Variants in ELAVL2 observed in about 807,000 individuals in gnomAD.
The protein encoded by ELAVL2 is ELAV like RNA binding protein 2.
ELAVL2 carries 4 observed loss-of-function variants against 34.6 expected under a neutral mutation model. The ratio of observed to expected loss-of-function variants is 0.12; its 90% CI spans 0.06 to 0.26. ELAVL2 has a LOEUF of 0.26. ELAVL2 is among the 10% of genes least tolerant of loss of function. The pLI is 1.00. For missense variants in ELAVL2, 432 were observed against 442.8 expected (o/e 0.98, Z 0.22); for synonymous variants, 193 against 154.8 (o/e 1.25, Z -1.83).
At chr9:23,798,844 A>C (rs916089321) in intron 1 of ELAVL2, among the ~76,000 whole-genome samples, 1 of 152,132 alleles carries the variant, frequency 6.6e-6, no homozygotes, top group Non-Finnish European at 1.5e-5. Flanking sequence ...TTATCTTAAA[A>C]AACTGCTTCA....
At chr9:23,701,681 A>T in intron 4 of ELAVL2, 77 bp from the exon 5 acceptor site, 1 of 1,461,366 alleles carries the variant, frequency 6.8e-7, no homozygotes, top group South Asian at 1.3e-5. Context: ...GGACACATTA[A>T]TTTTTCCTTC....
intron 3 of ELAVL2, among the ~76,000 whole-genome samples, chr9:23,726,985 A>C (rs1233539564): frequency 6.6e-6 from 1 of 152,084 alleles, no homozygotes; most frequent in Admixed American, 6.6e-5. Flanking sequence ...ACCAGCATAC[A>C]ACTTGACACT....
intron 3 of ELAVL2, among the ~76,000 whole-genome samples, chr9:23,705,629 G>A (rs1194990768): frequency 2.0e-5 from 3 of 152,208 alleles, no homozygotes; most frequent in African/African-American, 7.2e-5. Context: ...CATGGACCAT[G>A]GTGGGGGATG....
chr9:23,747,399 C>T (rs964205492), intron 2 of ELAVL2, among the ~76,000 whole-genome samples: 2 of 152,074 alleles, frequency 1.3e-5, no homozygotes, highest in African/African-American at 4.8e-5. Context: ...CTGCAGAAAG[C>T]GAAACTGTTG....
intron 1 of ELAVL2, among the ~76,000 whole-genome samples, chr9:23,774,213 C>CAAAAAAAAAA (rs57247631): frequency 4.9e-5 from 3 of 61,442 alleles, no homozygotes; most frequent in Non-Finnish European, 5.9e-5. Flanking sequence ...GACTCCATCT[C>CAAAAAAAAAA]AAAAAAAAAA....
chr9:23,700,097 T>TA (rs1422401803), intron 5 of ELAVL2, among the ~76,000 whole-genome samples: 1 of 152,168 alleles, frequency 6.6e-6, no homozygotes, highest in Admixed American at 6.5e-5. Flanking sequence ...AATAAATGCA[T>TA]AGATTTAAGC....
chr9:23,741,457 G>GAC (rs2049156262), intron 2 of ELAVL2, among the ~76,000 whole-genome samples: 1 of 152,090 alleles, frequency 6.6e-6, no homozygotes, highest in Non-Finnish European at 1.5e-5. Context: ...TGTAACTAGG[G>GAC]ACCTCAGTGT....
chr9:23,706,398 C>T (rs1434039233), intron 3 of ELAVL2, among the ~76,000 whole-genome samples: 1 of 152,056 alleles, frequency 6.6e-6, no homozygotes, highest in East Asian at 1.9e-4. Context: ...CCAATAATAC[C>T]CCATTGATCA....
chr9:23,759,559 A>C (rs1018799169), intron 2 of ELAVL2, among the ~76,000 whole-genome samples: 1 of 151,266 alleles, frequency 6.6e-6, no homozygotes, highest in Non-Finnish European at 1.5e-5. Flanking sequence ...GATTTTGAAC[A>C]CTCTCAAAGA....
Position 23,699,615 on chromosome 9 carries a change from C to G in ELAVL2, c.713+1764G>C, listed in dbSNP as rs144756330. Among the ~76,000 whole-genome samples, 40 of 152,072 alleles carry G rather than the reference C, an allele frequency of 2.6e-4. 1 individual carries two copies. The highest frequency in any genetic ancestry group is 8.7e-4 in the African/African-American group (36 of 41,490). ...TAAAATTCCTTCAGGCTTGTTCATC[C>G]TACGTTTGCAATTTAAAAAAGTATA... is the stretch of plus-strand genomic sequence containing the variant. On this transcript the variant is annotated intron_variant, in intron 5 of 6. Transcript: ENST00000397312.
intron 4 of ELAVL2, among the ~76,000 whole-genome samples, chr9:23,702,093 G>C (rs1272559908): frequency 6.6e-6 from 1 of 152,132 alleles, no homozygotes; most frequent in Non-Finnish European, 1.5e-5. Context: ...CACTGTGGTA[G>C]AAAGACATTT....
chr9:23,840,181 G>C, the ELAVL2 span, among the ~76,000 whole-genome samples: 1 of 152,146 alleles, frequency 6.6e-6, no homozygotes. Flanking sequence ...ACCTTTTAGG[G>C]CTGTTGTGAG....
intron 1 of ELAVL2, among the ~76,000 whole-genome samples, chr9:23,776,871 T>G (rs2058286425): frequency 6.6e-6 from 1 of 152,066 alleles, no homozygotes. Context: ...GTGTTTAAAG[T>G]GCTAAACAAC....
intron 1 of ELAVL2, among the ~76,000 whole-genome samples, chr9:23,789,067 A>G (rs1020537605): frequency 6.6e-6 from 1 of 152,186 alleles, no homozygotes; most frequent in African/African-American, 2.4e-5. Flanking sequence ...GGGCAGTGTA[A>G]GAATATAGTC....
chr9:23,788,050 T>C (rs959735061), intron 1 of ELAVL2, among the ~76,000 whole-genome samples: 1 of 152,152 alleles, frequency 6.6e-6, no homozygotes, highest in Non-Finnish European at 1.5e-5. Flanking sequence ...GAGAATGAAC[T>C]ACAGGTTAGA....
At chr9:23,831,089 G>C (rs764198504), upstream of ELAVL2, among the ~76,000 whole-genome samples, 54 of 152,226 alleles carry the variant, frequency 3.5e-4, no homozygotes, top group Non-Finnish European at 5.7e-4. Flanking sequence ...TCAGCTGATA[G>C]TAATCAGTCT....
chr9:23,721,127 G>C (rs1459933426), intron 3 of ELAVL2, among the ~76,000 whole-genome samples: 1 of 152,194 alleles, frequency 6.6e-6, no homozygotes, highest in African/African-American at 2.4e-5. Flanking sequence ...CAAATGCCAG[G>C]TAGCTTGAAA....
At chr9:23,728,555 G>C (rs543612911) in intron 3 of ELAVL2, among the ~76,000 whole-genome samples, 1 of 152,184 alleles carries the variant, frequency 6.6e-6, no homozygotes, top group African/African-American at 2.4e-5. Flanking sequence ...GCAGTAACAC[G>C]AGTAAAGTGG....
At chr9:23,751,965 TTA>T (rs1397795505) in intron 2 of ELAVL2, among the ~76,000 whole-genome samples, 5 of 152,302 alleles carry the variant, frequency 3.3e-5, no homozygotes, top group African/African-American at 1.2e-4. Context: ...GGAAAATCAA[TTA>T]TGTTGGTCAA....
Sources: gnomAD v4.1 joint callset for allele counts (sites outside exome capture counted in the v4.1 genomes callset) on GRCh38, gnomAD v4.1.1 for gene constraint, MANE v1.5 for transcripts, NCBI Gene and HGNC (gene_info 2026-07-23, HGNC 2026-07-21) for gene names.